The following GRID2 variants were observed in gnomAD, a reference collection of about 807,000 sequenced individuals.
The protein encoded by GRID2 is glutamate receptor ionotropic, delta-2.
GRID2 carries 33 observed loss-of-function variants against 114.8 expected under a neutral mutation model. The observed-to-expected ratio is 0.29, with a 90% CI of 0.22 to 0.38. The LOEUF is 0.38. Among genes scored for constraint, GRID2 ranks in the 10% least tolerant of loss-of-function variants. The probability of loss-of-function intolerance (pLI) is 1.00; values close to 1 mark genes in which losing one functional copy is unlikely to be tolerated. For missense variants in GRID2, 1,184 were observed against 1,257.7 expected (o/e 0.94, Z 0.89); for synonymous variants, 505 against 449.9 (o/e 1.12, Z -1.55).
chr4:93,554,110 A>G lies in GRID2; in HGVS notation c.2193+38699A>G, dbSNP rs192870210. Among the ~76,000 whole-genome samples, 48 of 152,252 alleles carry G rather than the reference A, an allele frequency of 3.2e-4. No homozygotes were observed. The East Asian group carries it at 9.1e-3, about 29-fold the overall frequency. ...CTCACTATCTCTCTAGTACCTTGAA[A>G]CCATTTTGGTCTACTATTAGTATGT... On this transcript the variant is annotated intron_variant, in intron 13 of 15. Transcript: ENST00000282020.
At chr4:92,936,790 A>G (rs928123287) in intron 2 of GRID2, among the ~76,000 whole-genome samples, 6 of 146,546 alleles carry the variant, frequency 4.1e-5, no homozygotes, top group African/African-American at 1.5e-4. Context: ...ATTTTTAATT[A>G]CTTACTTCTG....
intron 2 of GRID2, among the ~76,000 whole-genome samples, chr4:92,883,014 T>C (rs1255154295): frequency 6.6e-6 from 1 of 152,214 alleles, no homozygotes; most frequent in Non-Finnish European, 1.5e-5. Flanking sequence ...TGATTGACTC[T>C]TCCTTTCACA....
chr4:92,693,575 G>C (rs1261340741), intron 2 of GRID2, among the ~76,000 whole-genome samples: 3 of 152,164 alleles, frequency 2.0e-5, no homozygotes. Context: ...ACTGTGAGAT[G>C]AACAGGAAAT....
intron 14 of GRID2, among the ~76,000 whole-genome samples, chr4:93,648,240 A>G (rs1433521119): frequency 1.3e-5 from 2 of 152,208 alleles, no homozygotes; most frequent in Non-Finnish European, 2.9e-5. Flanking sequence ...GAAGTCTGAA[A>G]ACTGTGGAAC....
intron 4 of GRID2, among the ~76,000 whole-genome samples, chr4:93,134,229 C>A (rs954596638): frequency 2.0e-5 from 3 of 152,114 alleles, no homozygotes; most frequent in Non-Finnish European, 4.4e-5. Flanking sequence ...TATAGGTCTA[C>A]TGTGGAGAAA....
intron 1 of GRID2, among the ~76,000 whole-genome samples, chr4:92,433,686 A>T (rs1458740781): frequency 4.6e-5 from 7 of 152,188 alleles, no homozygotes; most frequent in Non-Finnish European, 1.0e-4. Context: ...ACAACCAGGT[A>T]CTGTGATTGA....
At chr4:92,428,607 T>C (rs1347751667) in intron 1 of GRID2, among the ~76,000 whole-genome samples, 1 of 152,190 alleles carries the variant, frequency 6.6e-6, no homozygotes, top group Non-Finnish European at 1.5e-5. Context: ...AGTATTAAGT[T>C]ATAACTATTA....
chr4:92,525,888 C>T (rs138943068), intron 1 of GRID2, among the ~76,000 whole-genome samples: 32 of 152,092 alleles, frequency 2.1e-4, no homozygotes, highest in Non-Finnish European at 2.8e-4. Context: ...CTGGTGAGAA[C>T]GCAAGAGAAG....
chr4:93,377,836 A>G (rs1251220983), intron 8 of GRID2, among the ~76,000 whole-genome samples: 1 of 151,994 alleles, frequency 6.6e-6, no homozygotes, highest in Non-Finnish European at 1.5e-5. Flanking sequence ...GTAACCTGGC[A>G]TTTTAAAAAG....
chr4:92,344,213 G>A (rs894559228), intron 1 of GRID2, among the ~76,000 whole-genome samples: 2 of 152,100 alleles, frequency 1.3e-5, no homozygotes, highest in Non-Finnish European at 2.9e-5. Flanking sequence ...TACATTTTCT[G>A]TAGGCATGCC....
chr4:92,994,325 C>T (rs1755073872), intron 2 of GRID2, among the ~76,000 whole-genome samples: 1 of 151,984 alleles, frequency 6.6e-6, no homozygotes, highest in Admixed American at 6.6e-5. Context: ...ACATGTTTCG[C>T]ACTTTAAGTT....
chr4:92,385,900 G>GTATATATA (rs34904839), intron 1 of GRID2, among the ~76,000 whole-genome samples: 6 of 61,092 alleles, frequency 9.8e-5, no homozygotes, highest in Admixed American at 2.0e-4. Flanking sequence ...GTGTGTGTGT[G>GTATATATA]TATATATATA....
chr4:92,321,964 A>C (rs962354729), intron 1 of GRID2, among the ~76,000 whole-genome samples: 3 of 152,162 alleles, frequency 2.0e-5, no homozygotes, highest in African/African-American at 7.2e-5. Flanking sequence ...CATTGCAATA[A>C]AATTTAAAAT....
At chr4:93,259,773 A>G (rs1260612733) in intron 8 of GRID2, among the ~76,000 whole-genome samples, 3 of 151,976 alleles carry the variant, frequency 2.0e-5, no homozygotes, top group East Asian at 1.9e-4. Flanking sequence ...CCTTTTAAAC[A>G]TACATATCAT....
rs72873068 is a variant in GRID2, at chr4:93,671,615, G to A, written c.2360+45180G>A. 4.4e-3 allele frequency among the ~76,000 whole-genome samples: 667 copies of A among 152,256 alleles called. 1 individual carries two copies. The highest frequency in any genetic ancestry group is 0.015 in the African/African-American group (642 of 41,536). ...ACAGGGATGTTTGTCAAAAGTCAATGAGATTAGAAACATGAAAGTTAAATG... is the reference window on the plus strand; with the variant it reads ...ACAGGGATGTTTGTCAAAAGTCAATAAGATTAGAAACATGAAAGTTAAATG... On this transcript the variant is annotated intron_variant, in intron 14 of 15. Transcript: ENST00000282020.
At chr4:93,136,232 TTGTGTGTGTG>T (rs3970984) in intron 4 of GRID2, among the ~76,000 whole-genome samples, 21,684 of 142,268 alleles carry the variant, frequency 0.15, 1,881 homozygotes, top group African/African-American at 0.24. Context: ...CCAACAGTTA[TTGTGTGTGTG>T]TGTGTGTGTG....
chr4:92,376,796 C>T lies in GRID2; in HGVS notation c.88+72052C>T, dbSNP rs188402504. 1.7e-3 allele frequency among the ~76,000 whole-genome samples: 258 copies of T among 152,286 alleles called. 1 individual carries two copies. Among genetic ancestry groups the T allele is most frequent in the African/African-American group, 5.7e-3 (236 of 41,548 alleles). On this transcript the variant is annotated intron_variant, in intron 1 of 15. Coordinates refer to ENST00000282020, the MANE Select transcript of GRID2 (RefSeq NM_001510.4). ...ACATGGAAGCTGCCAACGCTTGGGG[C>T]TTGCACCCTCTGAAGCCATGACCTG...
At chr4:93,018,934 T>C (rs1723022553) in intron 2 of GRID2, among the ~76,000 whole-genome samples, 1 of 152,126 alleles carries the variant, frequency 6.6e-6, no homozygotes, top group South Asian at 2.1e-4. Flanking sequence ...GTGGAAATAA[T>C]CTAGATCCAC....
chr4:93,096,262 C>G (rs1731217849), intron 3 of GRID2, among the ~76,000 whole-genome samples: 1 of 151,976 alleles, frequency 6.6e-6, no homozygotes, highest in Non-Finnish European at 1.5e-5. Flanking sequence ...AATTAGAACT[C>G]TTTTAGAGGA....
Sources: allele counts gnomAD v4.1 joint callset (sites outside exome capture counted in the v4.1 genomes callset), GRCh38; gene constraint gnomAD v4.1.1; transcripts MANE v1.5; gene names NCBI Gene and HGNC (gene_info 2026-07-23, HGNC 2026-07-21).